MYO16: variants seen among roughly 807,000 people sequenced by gnomAD.
The protein encoded by MYO16 is myosin XVI, also known as unconventional myosin-XVI.
A neutral mutation model predicts 205.3 loss-of-function variants in MYO16; 94 were observed. That is an observed-to-expected ratio of 0.46 (90% CI 0.39 to 0.54). MYO16 has a LOEUF of 0.54. Ranked by LOEUF, MYO16 falls within the 20% of genes least tolerant of loss-of-function variation. The pLI is 0.00. For synonymous variants in MYO16, 988 were observed against 954.0 expected, an observed-to-expected ratio of 1.04 and a Z score of -0.66; for missense variants, 2,315 against 2,387.5, an observed-to-expected ratio of 0.97 and a Z score of 0.63.
At chr13:108,536,372 A>G in the MYO16 span, among the ~76,000 whole-genome samples, 3 of 151,926 alleles carry the variant, frequency 2.0e-5, no homozygotes, top group African/African-American at 7.3e-5. Context: ...TGGGGAGGGG[A>G]CAAGTTGAAA....
chr13:109,163,860 C>T (rs1208794297), intron 32 of MYO16: 6 of 152,228 alleles, frequency 3.9e-5, no homozygotes, highest in African/African-American at 1.4e-4. Flanking sequence ...GGTAATACAC[C>T]GTTCTGCCAT....
At chr13:109,167,431 G>T (rs545915287) in intron 33 of MYO16, 25 of 152,366 alleles carry the variant, frequency 1.6e-4, no homozygotes, top group African/African-American at 6.0e-4. Context: ...TAACATTTGG[G>T]GAAAAGCAAA....
intron 5 of MYO16, among the ~76,000 whole-genome samples, chr13:108,788,846 T>G (rs939311934): frequency 6.6e-6 from 1 of 152,212 alleles, no homozygotes; most frequent in Non-Finnish European, 1.5e-5. Flanking sequence ...GTCTCTCTCC[T>G]GCCATCTTCC....
chr13:109,184,266 G>A (rs2139927363), intron 34 of MYO16, among the ~76,000 whole-genome samples: 1 of 152,180 alleles, frequency 6.6e-6, no homozygotes, highest in South Asian at 2.1e-4. Flanking sequence ...ACACAGCCAA[G>A]GTTCAGGGAA....
Position 108,936,047 on chromosome 13 carries a change from A to G in MYO16, c.1926-21641A>G, listed in dbSNP as rs1430687442. ...TTTGTTTTGCTAGTATTTCGTTGAG[A>G]TTTTTGTGTCTATGTTCATCAGGGA... On this transcript the variant is annotated intron_variant, in intron 16 of 34. Transcript: ENST00000457511. Among the ~76,000 whole-genome samples, 2 of 150,804 alleles carry G rather than the reference A, an allele frequency of 1.3e-5. 1 individual carries two copies. Among genetic ancestry groups the G allele is most frequent in the African/African-American group, 4.9e-5 (2 of 40,984 alleles).
intron 9 of MYO16, among the ~76,000 whole-genome samples, chr13:108,837,360 G>A (rs1229782644): frequency 6.6e-6 from 1 of 152,136 alleles, no homozygotes; most frequent in Non-Finnish European, 1.5e-5. Flanking sequence ...AGTCTCAAGT[G>A]TGTCCTTATA....
chr13:108,847,935 G>A (rs1856282), intron 10 of MYO16, among the ~76,000 whole-genome samples: 38,712 of 151,918 alleles, frequency 0.25, 5,220 homozygotes, highest in Middle Eastern at 0.37. Context: ...TTAGGTTTAA[G>A]GTTGAAATTG....
intron 20 of MYO16, among the ~76,000 whole-genome samples, chr13:108,974,990 C>T (rs1263204357): frequency 6.6e-6 from 1 of 152,098 alleles, no homozygotes; most frequent in East Asian, 1.9e-4. Flanking sequence ...AAGACTTTAC[C>T]TAGCATCTCA....
At chr13:108,841,353 C>T (rs765164605) in intron 9 of MYO16, among the ~76,000 whole-genome samples, 1 of 152,288 alleles carries the variant, frequency 6.6e-6, no homozygotes, top group Non-Finnish European at 1.5e-5. Flanking sequence ...AACATTTGGA[C>T]ATCCATATGA....
chr13:109,194,200 G>A (rs181773877), intron 34 of MYO16, among the ~76,000 whole-genome samples: 1 of 152,226 alleles, frequency 6.6e-6, no homozygotes, highest in East Asian at 1.9e-4. Context: ...GTGTGCATCT[G>A]GCTTAGTCCT....
rs978867673 is a variant in MYO16, at chr13:108,986,016, G to C, written c.2370-6360G>C. ...GGAGGCCTCACAATCATGGCAGAAG[G>C]CGAAGGAGGAGCAGAGGCACATCTT... On this transcript the variant is annotated intron_variant, in intron 20 of 34. Transcript: ENST00000457511. Among the ~76,000 whole-genome samples the C allele has an allele frequency of 2.0e-5, 3 of 152,304 alleles. No homozygotes were observed. In the East Asian group the frequency reaches 5.8e-4, roughly 29 times the overall value.
chr13:109,031,452 T>C (rs1433815616), intron 23 of MYO16, among the ~76,000 whole-genome samples: 1 of 152,224 alleles, frequency 6.6e-6, no homozygotes, highest in African/African-American at 2.4e-5. Context: ...AAGTTAAATG[T>C]GATTACTTTG....
chr13:108,545,794 G>T, the MYO16 span, among the ~76,000 whole-genome samples: 1 of 152,148 alleles, frequency 6.6e-6, no homozygotes, highest in Non-Finnish European at 1.5e-5. Flanking sequence ...GGAGTATTTG[G>T]TAGCAATGAA....
chr13:108,612,645 T>C (rs564881254), intron 1 of MYO16, among the ~76,000 whole-genome samples: 11 of 152,048 alleles, frequency 7.2e-5, no homozygotes, highest in African/African-American at 1.7e-4. Flanking sequence ...GGTGCTGAGA[T>C]AGTCCCTGCA....
chr13:108,594,360 C>T (rs7338021), upstream of MYO16, among the ~76,000 whole-genome samples: 34,862 of 151,934 alleles, frequency 0.23, 4,303 homozygotes, highest in East Asian at 0.39. Flanking sequence ...CCATGGTAAC[C>T]CTAATTGGTT....
chr13:108,770,313 A>G (rs2138877568), intron 4 of MYO16, among the ~76,000 whole-genome samples: 1 of 152,318 alleles, frequency 6.6e-6, no homozygotes, highest in East Asian at 1.9e-4. Context: ...TTTTATTTTT[A>G]CTGTCTTTAA....
intron 16 of MYO16, among the ~76,000 whole-genome samples, chr13:108,911,917 G>A (rs896904120): frequency 1.3e-5 from 2 of 152,234 alleles, no homozygotes; most frequent in Admixed American, 6.5e-5. Context: ...CTGTGGCTGT[G>A]GCCTGAGCAA....
At chr13:109,095,264 C>G (rs1194438416) in intron 27 of MYO16, among the ~76,000 whole-genome samples, 2 of 152,220 alleles carry the variant, frequency 1.3e-5, no homozygotes, top group Non-Finnish European at 2.9e-5. Flanking sequence ...ACCTGTGTGT[C>G]TTGGATGACA....
chr13:108,879,860 C>A (rs901164377), intron 12 of MYO16, among the ~76,000 whole-genome samples: 7 of 152,098 alleles, frequency 4.6e-5, no homozygotes, highest in Non-Finnish European at 8.8e-5. Flanking sequence ...GATTTATAAT[C>A]CTTTGGGTAT....
Sources: gnomAD v4.1 joint callset for allele counts (sites outside exome capture counted in the v4.1 genomes callset) on GRCh38, gnomAD v4.1.1 for gene constraint, MANE v1.5 for transcripts, NCBI Gene and HGNC (gene_info 2026-07-23, HGNC 2026-07-21) for gene names.